TPD52L1: variants seen among roughly 807,000 people sequenced by gnomAD.
TPD52L1 encodes tumor protein D53.
A neutral mutation model predicts 28.7 loss-of-function variants in TPD52L1; 18 were observed. The ratio of observed to expected loss-of-function variants is 0.63; its 90% CI spans 0.43 to 0.93. The LOEUF (loss-of-function observed/expected upper bound fraction) is 0.93, where lower values mean the gene tolerates loss of function less well. TPD52L1 is among the 40% of genes least tolerant of loss of function. The pLI is 0.00. For synonymous variants in TPD52L1, 75 were observed against 88.8 expected (o/e 0.84, Z 0.88); for missense variants, 203 against 254.8 (o/e 0.80, Z 1.39).
intron 3 of TPD52L1, chr6:125,231,330 AG>A (rs1368220239): frequency 3.9e-5 from 6 of 152,308 alleles, no homozygotes; most frequent in African/African-American, 1.4e-4. Context: ...GTCTGAGCAG[AG>A]GGAGTGTCAA....
intron 6 of TPD52L1, among the ~76,000 whole-genome samples, chr6:125,259,026 A>G (rs1797763014): frequency 6.6e-6 from 1 of 152,186 alleles, no homozygotes; most frequent in Non-Finnish European, 1.5e-5. Flanking sequence ...TAAATAATAG[A>G]TATGTATAAC....
chr6:125,220,234 A>C (rs1423769370), intron 2 of TPD52L1, 41 bp downstream of exon 2: 2 of 1,281,010 alleles, frequency 1.6e-6, no homozygotes, highest in African/African-American at 2.9e-5. Context: ...CTATCTCTGG[A>C]TCTTAAGAGT....
chr6:125,244,558 G>C (rs762769285), intron 3 of TPD52L1, among the ~76,000 whole-genome samples: 74 of 152,148 alleles, frequency 4.9e-4, no homozygotes, highest in Non-Finnish European at 8.5e-4. Flanking sequence ...TGGAAATGTT[G>C]ATGTTCCAAG....
intron 1 of TPD52L1, among the ~76,000 whole-genome samples, chr6:125,168,667 G>A (rs1411230766): frequency 2.0e-5 from 3 of 151,886 alleles, no homozygotes; most frequent in Admixed American, 6.6e-5. Context: ...ACAGGCGCCC[G>A]CCACCACGCC....
At chr6:125,178,589 C>T (rs1306038251) in intron 1 of TPD52L1, among the ~76,000 whole-genome samples, 1 of 152,064 alleles carries the variant, frequency 6.6e-6, no homozygotes, top group East Asian at 1.9e-4. Flanking sequence ...CCACTGCACT[C>T]CCGCCTGGGC....
At chr6:125,217,466 G>A (rs139502314) in intron 1 of TPD52L1, among the ~76,000 whole-genome samples, 7 of 152,214 alleles carry the variant, frequency 4.6e-5, no homozygotes, top group African/African-American at 1.4e-4. Flanking sequence ...TAGATCCCTC[G>A]CATGTGCAGT....
At chr6:125,213,943 G>A (rs1794687158) in intron 1 of TPD52L1, among the ~76,000 whole-genome samples, 1 of 152,180 alleles carries the variant, frequency 6.6e-6, no homozygotes, top group African/African-American at 2.4e-5. Context: ...AGAGTTAAGG[G>A]CATCAAACAG....
At chr6:125,192,056 C>A (rs1793085156) in intron 1 of TPD52L1, among the ~76,000 whole-genome samples, 1 of 152,162 alleles carries the variant, frequency 6.6e-6, no homozygotes, top group Non-Finnish European at 1.5e-5. Flanking sequence ...AAGAAAGCCA[C>A]GTTCTTTCCT....
chr6:125,226,408 G>A (rs1190051686), intron 2 of TPD52L1, among the ~76,000 whole-genome samples: 1 of 151,818 alleles, frequency 6.6e-6, no homozygotes. Context: ...TATCGCTTTT[G>A]GGGGATGAAG....
At chr6:125,177,283 C>G (rs1791882760) in intron 1 of TPD52L1, among the ~76,000 whole-genome samples, 1 of 152,200 alleles carries the variant, frequency 6.6e-6, no homozygotes, top group Admixed American at 6.5e-5. Flanking sequence ...TCCACCTGCA[C>G]TGCTGTTACC....
rs55761249 is a variant in TPD52L1 at position 125,202,766 on chromosome 6, C to CTTTTTTTTTT, written c.20-17305_20-17296dup. 1.6e-3 allele frequency among the ~76,000 whole-genome samples: 192 copies of CTTTTTTTTTT among 116,378 alleles called. 7 individuals are homozygous for CTTTTTTTTTT. The highest frequency in any genetic ancestry group is 2.1e-3 in the East Asian group (8 of 3,816). The allele number at this position is 116,378 out of a possible 152,430, so 76.3% of individuals were successfully genotyped here. On this transcript the variant is annotated intron_variant, in intron 1 of 6. Transcript: ENST00000534000. ...CTGAGTGTTACATTTGGAGGTTTAT[C>CTTTTTTTTTT]TTTTTTTTTTTTTTTTGAGACGGAG...
intron 1 of TPD52L1, among the ~76,000 whole-genome samples, chr6:125,162,760 T>C (rs1790606486): frequency 6.6e-6 from 1 of 152,248 alleles, no homozygotes; most frequent in Non-Finnish European, 1.5e-5. Context: ...GGATTTAACA[T>C]GTTAATACAA....
At chr6:125,249,268 T>C (rs1176366039) in intron 4 of TPD52L1, among the ~76,000 whole-genome samples, 1 of 151,930 alleles carries the variant, frequency 6.6e-6, no homozygotes, top group African/African-American at 2.4e-5. Context: ...TCAGTTTCAT[T>C]TTTCCCTCTA....
chr6:125,207,112 G>A (rs73771271), intron 1 of TPD52L1, among the ~76,000 whole-genome samples: 3,826 of 152,240 alleles, frequency 0.025, 160 homozygotes, highest in African/African-American at 0.087. Context: ...AGTCCTATCA[G>A]AAAGAGTTTG....
At chr6:125,217,493 G>A (rs1019212580) in intron 1 of TPD52L1, among the ~76,000 whole-genome samples, 9 of 152,160 alleles carry the variant, frequency 5.9e-5, no homozygotes, top group South Asian at 4.2e-4. Flanking sequence ...TAGGGTTTGC[G>A]GTCCTATGAG....
At chr6:125,238,251 A>G (rs182393139) in intron 3 of TPD52L1, among the ~76,000 whole-genome samples, 7 of 152,346 alleles carry the variant, frequency 4.6e-5, no homozygotes, top group Non-Finnish European at 8.8e-5. Context: ...ACACCTCACT[A>G]AAATCTTCTA....
intron 1 of TPD52L1, among the ~76,000 whole-genome samples, chr6:125,183,677 A>G (rs17052821): frequency 0.074 from 11,220 of 152,250 alleles, 434 homozygotes; most frequent in Middle Eastern, 0.099. Flanking sequence ...CATCACGATT[A>G]CATGAGATTA....
At chr6:125,166,378 G>A (rs1790901665) in intron 1 of TPD52L1, among the ~76,000 whole-genome samples, 1 of 152,112 alleles carries the variant, frequency 6.6e-6, no homozygotes, top group Non-Finnish European at 1.5e-5. Flanking sequence ...TCTTCCTGAA[G>A]GGTTAGGTCA....
chr6:125,218,271 T>C (rs1170760250), intron 1 of TPD52L1, among the ~76,000 whole-genome samples: 1 of 152,212 alleles, frequency 6.6e-6, no homozygotes, highest in Non-Finnish European at 1.5e-5. Flanking sequence ...GTCAGACTTG[T>C]AAATTTTTGC....
Sources: gnomAD v4.1 joint callset for allele counts (sites outside exome capture counted in the v4.1 genomes callset) on GRCh38, gnomAD v4.1.1 for gene constraint, MANE v1.5 for transcripts, NCBI Gene and HGNC (gene_info 2026-07-23, HGNC 2026-07-21) for gene names.